The following STPG4 variants were observed in gnomAD, a reference collection of about 807,000 sequenced individuals.
STPG4 encodes the protein sperm-tail PG-rich repeat containing 4, also known as protein STPG4.
Under a neutral mutation model 31.5 loss-of-function variants are expected in STPG4, and 41 were observed. That is an observed-to-expected ratio of 1.30 (90% CI 1.01 to 1.69). The LOEUF is 1.69. STPG4 is among the 40% of genes most tolerant of loss of function. STPG4 has a pLI of 0.00. For synonymous variants in STPG4, 141 were observed against 103.0 expected, an observed-to-expected ratio of 1.37 and a Z score of -2.24; for missense variants, 375 against 293.4, an observed-to-expected ratio of 1.28 and a Z score of -2.03.
intron 2 of STPG4, among the ~76,000 whole-genome samples, chr2:47,152,203 TAGG>T (rs1311078083): frequency 1.6e-4 from 1 of 6,270 alleles, no homozygotes; most frequent in Non-Finnish European, 8.3e-4. Flanking sequence ...TTAGCCAATG[TAGG>T]ATGTTTCTCT....
At chr2:47,127,177 T>G (rs1649920522) in intron 5 of STPG4, among the ~76,000 whole-genome samples, 1 of 151,794 alleles carries the variant, frequency 6.6e-6, no homozygotes, top group Non-Finnish European at 1.5e-5. Flanking sequence ...TTTATAGATT[T>G]TGTAAGCATG....
At chr2:47,140,597 T>C (rs930785248) in intron 3 of STPG4, among the ~76,000 whole-genome samples, 2 of 152,338 alleles carry the variant, frequency 1.3e-5, no homozygotes, top group East Asian at 1.9e-4. Context: ...CTCTCCAATT[T>C]TGGGGATAGT....
intron 3 of STPG4, among the ~76,000 whole-genome samples, chr2:47,138,815 T>C (rs1326666309): frequency 6.6e-6 from 1 of 152,188 alleles, no homozygotes; most frequent in African/African-American, 2.4e-5. Context: ...CCCAAAGTGC[T>C]GGGATTACAG....
intron 5 of STPG4, among the ~76,000 whole-genome samples, chr2:47,104,234 C>T (rs914322690): frequency 1.3e-5 from 2 of 151,978 alleles, no homozygotes; most frequent in Non-Finnish European, 2.9e-5. Flanking sequence ...GATCCCACCA[C>T]TTTTCCTTAT....
intron 3 of STPG4, among the ~76,000 whole-genome samples, chr2:47,134,194 C>T (rs1388980299): frequency 6.6e-6 from 1 of 152,134 alleles, no homozygotes; most frequent in South Asian, 2.1e-4. Context: ...TACAGACGAA[C>T]CTACACTGGC....
At position 47,087,072 on chromosome 2, in the gene STPG4, G is replaced by C; in HGVS notation, c.683C>G (p.Thr228Ser). Residue 228 changes from threonine (T) to serine (S), a missense_variant, in exon 7 of 7, where the codon ACC (threonine) becomes AGC (serine). By Grantham distance (58) the Thr-to-Ser change is moderately conservative. Transcript: ENST00000445927. Reference protein sequence around the residue: ...TLRQFPKQSPTIAKMGQEHSL... With the variant: ...TLRQFPKQSPSIAKMGQEHSL... ...ATGCTCTTGGCCCATTTTGGCTATG[G>C]TCGGAGACTGCTTAGGGAATTGTCT... 6.4e-7 allele frequency: 1 copy of C among 1,551,804 alleles called. No individual in the cohort carries two copies. The highest frequency in any genetic ancestry group is 8.7e-7 in the Non-Finnish European group (1 of 1,146,988).
At chr2:47,092,672 A>C (rs1038080174) in intron 5 of STPG4, among the ~76,000 whole-genome samples, 7 of 151,266 alleles carry the variant, frequency 4.6e-5, no homozygotes, top group African/African-American at 1.5e-4. Context: ...TAGAGGAGAG[A>C]GAGCCAGCAG....
chr2:47,118,146 A>T (rs1686189542), intron 5 of STPG4, among the ~76,000 whole-genome samples: 1 of 151,970 alleles, frequency 6.6e-6, no homozygotes, highest in Non-Finnish European at 1.5e-5. Flanking sequence ...TCATAGGAGG[A>T]GGTGAGGGGT....
intron 5 of STPG4, among the ~76,000 whole-genome samples, chr2:47,109,217 A>AT (rs1199710906): frequency 2.0e-5 from 3 of 152,218 alleles, no homozygotes; most frequent in African/African-American, 7.2e-5. Context: ...AGCAGCACAG[A>AT]TTTTTTAAGA....
intron 6 of STPG4, among the ~76,000 whole-genome samples, chr2:47,088,376 C>T (rs1685501560): frequency 6.6e-6 from 1 of 152,220 alleles, no homozygotes; most frequent in South Asian, 2.1e-4. Flanking sequence ...TGCACATATT[C>T]TTGAAGTCCG....
At chr2:47,133,805 G>A (rs900409176) in intron 3 of STPG4, among the ~76,000 whole-genome samples, 25 of 151,964 alleles carry the variant, frequency 1.6e-4, no homozygotes, top group African/African-American at 5.8e-4. Context: ...TCAAATGCCC[G>A]ACCTCAGGTG....
At chr2:47,154,797 G>A (rs1686996903) in intron 1 of STPG4, among the ~76,000 whole-genome samples, 1 of 152,192 alleles carries the variant, frequency 6.6e-6, no homozygotes, top group South Asian at 2.1e-4. Context: ...AGCAAAACGT[G>A]TCTAGTAAAA....
At chr2:47,128,838 C>T (rs1027205445) in intron 5 of STPG4, 1 of 152,294 alleles carries the variant, frequency 6.6e-6, no homozygotes, top group Admixed American at 6.5e-5. Flanking sequence ...TCCTCCCTCT[C>T]CTTTCCTCAA....
At chr2:47,104,305 T>C (rs114207749) in intron 5 of STPG4, among the ~76,000 whole-genome samples, 181 of 152,068 alleles carry the variant, frequency 1.2e-3, no homozygotes, top group Non-Finnish European at 2.3e-3. Context: ...TGTTAAACAT[T>C]TGAAAGCTCA....
intron 6 of STPG4, among the ~76,000 whole-genome samples, chr2:47,087,376 C>A (rs1441593969): frequency 6.6e-6 from 1 of 152,238 alleles, no homozygotes; most frequent in Non-Finnish European, 1.5e-5. Flanking sequence ...AAGCCAGGGG[C>A]CACCTAGAAC....
At chr2:47,114,178 T>G (rs1484003272) in intron 5 of STPG4, among the ~76,000 whole-genome samples, 1 of 151,538 alleles carries the variant, frequency 6.6e-6, no homozygotes, top group African/African-American at 2.4e-5. Flanking sequence ...CAAGACCTGT[T>G]TGGACAACAT....
At chr2:47,135,428 C>G (rs1686575531) in intron 3 of STPG4, among the ~76,000 whole-genome samples, 1 of 152,056 alleles carries the variant, frequency 6.6e-6, no homozygotes, top group African/African-American at 2.4e-5. Context: ...ACTCTGTCAC[C>G]CAGGCTGGAG....
intron 5 of STPG4, among the ~76,000 whole-genome samples, chr2:47,117,931 T>TATATATATA (rs61614757): frequency 1.2e-4 from 7 of 56,624 alleles, no homozygotes; most frequent in African/African-American, 6.9e-4. Flanking sequence ...TATATATATA[T>TATATATATA]TTTTTTTTTA....
Position 47,087,194 on chromosome 2 carries a change from G to C in STPG4, c.625-64C>G, listed in dbSNP as rs1685474562. 3 of 1,533,598 alleles carry C rather than the reference G, an allele frequency of 2.0e-6. No homozygotes were observed. The South Asian group carries it at 3.6e-5, about 19-fold the overall frequency. The allele number at this position is 1,533,598 out of a possible 1,614,324, so 95.0% of individuals were successfully genotyped here. ...GAAACCAAAACCCTGAGGCTCCTGT[G>C]CCTAGCCACTGGCTTGGATGTGGTG... On this transcript the variant is annotated intron_variant, in intron 6 of 6. Transcript: ENST00000445927.
Sources: gnomAD v4.1 joint callset for allele counts (sites outside exome capture counted in the v4.1 genomes callset) on GRCh38, gnomAD v4.1.1 for gene constraint, MANE v1.5 for transcripts, NCBI Gene and HGNC (gene_info 2026-07-23, HGNC 2026-07-21) for gene names.